The following FAM227B variants were observed in gnomAD, a reference collection of about 807,000 sequenced individuals.
FAM227B encodes protein FAM227B.
In FAM227B, 88 loss-of-function variants were observed where a neutral mutation model predicts 73.8. That is an observed-to-expected ratio of 1.19 (90% CI 1.00 to 1.42). The LOEUF (loss-of-function observed/expected upper bound fraction) is 1.42, where lower values mean the gene tolerates loss of function less well. FAM227B is among the 40% of genes most tolerant of loss of function. The pLI is 0.00. For missense variants in FAM227B, 632 were observed against 590.9 expected (o/e 1.07, Z -0.72); for synonymous variants, 210 against 190.5 (o/e 1.10, Z -0.84).
At chr15:49,563,337 T>C (rs544005390) in intron 9 of FAM227B, among the ~76,000 whole-genome samples, 6 of 152,106 alleles carry the variant, frequency 3.9e-5, no homozygotes, top group South Asian at 2.1e-4. Context: ...AAAGAAATCA[T>C]AGATGACATG....
At chr15:49,345,007 G>C (rs1477241030) in intron 13 of FAM227B, among the ~76,000 whole-genome samples, 1 of 152,088 alleles carries the variant, frequency 6.6e-6, no homozygotes, top group Non-Finnish European at 1.5e-5. Context: ...AACTTTATTT[G>C]CATACAGCTA....
chr15:49,328,970 A>G, intron 15 of FAM227B: 1 of 1,054,620 alleles, frequency 9.5e-7, no homozygotes, highest in Non-Finnish European at 1.2e-6. Context: ...AATTATCTAG[A>G]TGATAATTCA....
At chr15:49,362,277 C>T (rs1273673604) in intron 13 of FAM227B, among the ~76,000 whole-genome samples, 5 of 152,056 alleles carry the variant, frequency 3.3e-5, no homozygotes, top group Non-Finnish European at 4.4e-5. Flanking sequence ...TCATGAGATA[C>T]GCTGGCTTAA....
At chr15:49,556,786 G>A (rs902495241) in intron 9 of FAM227B, among the ~76,000 whole-genome samples, 2 of 152,148 alleles carry the variant, frequency 1.3e-5, no homozygotes, top group African/African-American at 2.4e-5. Context: ...AAGCCTTCAG[G>A]TATGGGTATT....
intron 13 of FAM227B, among the ~76,000 whole-genome samples, chr15:49,340,403 G>GCCCCCCCCC (rs373386438): frequency 2.1e-5 from 2 of 94,380 alleles, no homozygotes; most frequent in Non-Finnish European, 2.2e-5. Flanking sequence ...GCAGTGCCCC[G>GCCCCCCCCC]CCCCCCCCCT....
At chr15:49,360,001 A>C (rs888455104) in intron 13 of FAM227B, among the ~76,000 whole-genome samples, 1 of 147,796 alleles carries the variant, frequency 6.8e-6, no homozygotes. Context: ...AAAAAACCAA[A>C]CACCGCATAT....
intron 7 of FAM227B, among the ~76,000 whole-genome samples, chr15:49,575,620 C>T (rs1186386399): frequency 1.3e-5 from 2 of 152,058 alleles, no homozygotes; most frequent in Non-Finnish European, 2.9e-5. Context: ...TTCAGCTCCT[C>T]AGTCATACTA....
intron 11 of FAM227B, among the ~76,000 whole-genome samples, chr15:49,459,026 A>G (rs1043436860): frequency 6.6e-6 from 1 of 152,200 alleles, no homozygotes; most frequent in African/African-American, 2.4e-5. Flanking sequence ...AACACACAAA[A>G]TCTACTGTCA....
intron 11 of FAM227B, among the ~76,000 whole-genome samples, chr15:49,432,123 A>G (rs995587618): frequency 4.6e-5 from 7 of 151,874 alleles, no homozygotes; most frequent in Non-Finnish European, 1.0e-4. Flanking sequence ...ATATCCTCAA[A>G]TATCACATTT....
At chr15:49,511,097 A>C (rs1480978028) in intron 10 of FAM227B, among the ~76,000 whole-genome samples, 1 of 152,038 alleles carries the variant, frequency 6.6e-6, no homozygotes, top group Non-Finnish European at 1.5e-5. Context: ...TTTTTCAAGC[A>C]TGGAAAACTT....
chr15:49,386,516 A>T (rs1029913637), intron 11 of FAM227B, among the ~76,000 whole-genome samples: 4 of 151,946 alleles, frequency 2.6e-5, no homozygotes, highest in African/African-American at 9.7e-5. Context: ...GCTTAGAGGA[A>T]AGTTTATAGT....
intron 15 of FAM227B, chr15:49,328,966 C>G: frequency 1.9e-6 from 2 of 1,073,246 alleles, no homozygotes; most frequent in Non-Finnish European, 2.3e-6. Flanking sequence ...AAAGAATTAT[C>G]TAGATGATAA....
At chr15:49,471,560 GAAGA>G (rs1289030794) in intron 11 of FAM227B, among the ~76,000 whole-genome samples, 1 of 150,620 alleles carries the variant, frequency 6.6e-6, no homozygotes, top group Non-Finnish European at 1.5e-5. Context: ...TTTATATACA[GAAGA>G]AAGATGACAG....
At chr15:49,333,356 TTA>T (rs1273445713) in intron 14 of FAM227B, among the ~76,000 whole-genome samples, 4 of 152,198 alleles carry the variant, frequency 2.6e-5, no homozygotes, top group Non-Finnish European at 5.9e-5. Context: ...CACGTGAGAT[TTA>T]TATATCCAAA....
chr15:49,333,195 A>G (rs1448001358), intron 14 of FAM227B, among the ~76,000 whole-genome samples: 2 of 152,172 alleles, frequency 1.3e-5, no homozygotes, highest in African/African-American at 4.8e-5. Flanking sequence ...AAATTGACCC[A>G]TTAAAGTGTA....
At chr15:49,337,482 C>CATGTCTTCATTTGAAA (rs71120678) in intron 13 of FAM227B, among the ~76,000 whole-genome samples, 2 of 141,538 alleles carry the variant, frequency 1.4e-5, no homozygotes, top group South Asian at 2.2e-4. Context: ...TGGACACTTG[C>CATGTCTTCATTTGAAA]AATGTCTGTT....
At chr15:49,332,084 G>A (rs1463792094) in intron 14 of FAM227B, among the ~76,000 whole-genome samples, 5 of 98,660 alleles carry the variant, frequency 5.1e-5, no homozygotes, top group Admixed American at 2.2e-4. Flanking sequence ...ATGTGCACAC[G>A]TGCCACACAC....
chr15:49,476,212 G>GTTTTTTTTTCTTTTTTTTTT (rs1567351529), intron 11 of FAM227B, among the ~76,000 whole-genome samples: 1 of 81,256 alleles, frequency 1.2e-5, no homozygotes, highest in Non-Finnish European at 3.3e-5. Context: ...TTATTTTGCT[G>GTTTTTTTTTCTTTTTTTTTT]TTTTGTTTTT....
At position 49,497,852 on chromosome 15, in the gene FAM227B, T is replaced by C. The variant is rs186034800; in HGVS notation, c.1012+10359A>G. ...TAGAAATTCTGGCCCATTGTTGCCA[T>C]TGTGCCTCTGCACCACTTTGGCCCC... On this transcript the variant is annotated intron_variant, in intron 11 of 15. Transcript: ENST00000299338. 3.6e-3 allele frequency among the ~76,000 whole-genome samples: 556 copies of C among 152,350 alleles called. 4 individuals are homozygous for C. The highest frequency in any genetic ancestry group is 0.013 in the African/African-American group (537 of 41,582).
Sources: gnomAD v4.1 joint callset for allele counts (sites outside exome capture counted in the v4.1 genomes callset) on GRCh38, gnomAD v4.1.1 for gene constraint, MANE v1.5 for transcripts, NCBI Gene and HGNC (gene_info 2026-07-23, HGNC 2026-07-21) for gene names.